The following MLLT3 variants were observed in gnomAD, a reference collection of about 807,000 sequenced individuals.
MLLT3 encodes protein AF-9.
In MLLT3, 4 loss-of-function variants were observed where a neutral mutation model predicts 53.2. The observed-to-expected ratio is 0.08, with a 90% CI of 0.04 to 0.17. The LOEUF is 0.17. MLLT3 is among the 10% of genes least tolerant of loss of function. The probability of loss-of-function intolerance (pLI) is 1.00; values close to 1 mark genes in which losing one functional copy is unlikely to be tolerated. For missense variants in MLLT3, 569 were observed against 684.0 expected (o/e 0.83, Z 1.87); for synonymous variants, 283 against 230.6 (o/e 1.23, Z -2.06).
At position 20,350,590 on chromosome 9, in the gene MLLT3, G is replaced by A. The variant is rs918226491; in HGVS notation, c.1575+2935C>T. ...AGCCTGGGCGACAGAGCGAGACTCC[G>A]TCTCAAAAAAAGAAAGAAAGAAAAA... On this transcript the variant is annotated intron_variant, in intron 10 of 10. Coordinates refer to ENST00000380338, the MANE Select transcript of MLLT3 (RefSeq NM_004529.4). 1.5e-4 allele frequency among the ~76,000 whole-genome samples: 10 copies of A among 68,636 alleles called. 1 individual carries two copies. The East Asian group carries it at 5.5e-3, about 38-fold the overall frequency. 45.0% of individuals were successfully genotyped at this position (68,636 alleles called of 152,430 possible). A position where few individuals can be genotyped will look rare whatever the true frequency, so the allele number is the denominator to read the frequency against.
In MLLT3 at chr9:20,501,757, C is replaced by CAAAAA. The variant is rs936828819; in HGVS notation, c.194-44976_194-44972dup. On this transcript the variant is annotated intron_variant, in intron 2 of 10. Transcript: ENST00000380338. ...TGGGCGACAGAGCGAGACTCCGTCT[C>CAAAAA]AAAAAAAAAAAAAAAAAAAAAAAAA... 1.1e-3 allele frequency among the ~76,000 whole-genome samples: 20 copies of CAAAAA among 18,596 alleles called. 1 individual carries two copies. The highest frequency in any genetic ancestry group is 2.8e-3 in the African/African-American group (14 of 5,080). The allele number at this position is 18,596 out of a possible 152,430, so 12.2% of individuals were successfully genotyped here.
intron 9 of MLLT3, among the ~76,000 whole-genome samples, chr9:20,354,357 G>T (rs565122098): frequency 4.6e-5 from 7 of 152,328 alleles, no homozygotes; most frequent in Non-Finnish European, 7.3e-5. Flanking sequence ...ACAGAGGTCT[G>T]CCCTGGCCCT....
At chr9:20,550,383 T>C (rs1228671665) in intron 2 of MLLT3, among the ~76,000 whole-genome samples, 1 of 152,212 alleles carries the variant, frequency 6.6e-6, no homozygotes, top group African/African-American at 2.4e-5. Flanking sequence ...CCTCTTTTCT[T>C]GCACTTGGAT....
chr9:20,595,842 G>A (rs903420621), intron 2 of MLLT3, among the ~76,000 whole-genome samples: 1 of 152,168 alleles, frequency 6.6e-6, no homozygotes, highest in African/African-American at 2.4e-5. Context: ...GAATCCCACT[G>A]TAAAAAGAAG....
At chr9:20,525,126 T>TAAA (rs757232208) in intron 2 of MLLT3, among the ~76,000 whole-genome samples, 5 of 56,132 alleles carry the variant, frequency 8.9e-5, no homozygotes, top group Admixed American at 1.9e-4. Flanking sequence ...GAAGAAAGAC[T>TAAA]AAAAAAAAAA....
chr9:20,349,014 C>G (rs1345190058), intron 10 of MLLT3, among the ~76,000 whole-genome samples: 1 of 152,100 alleles, frequency 6.6e-6, no homozygotes, highest in African/African-American at 2.4e-5. Flanking sequence ...AGGATGGAAA[C>G]AAGTAGTCTC....
intron 2 of MLLT3, among the ~76,000 whole-genome samples, chr9:20,465,165 G>A (rs1824203898): frequency 6.6e-6 from 1 of 151,482 alleles, no homozygotes; most frequent in African/African-American, 2.4e-5. Context: ...GATAACAGGT[G>A]AAAAGCTATC....
Position 20,451,110 on chromosome 9 carries a change from C to T in MLLT3, c.277-2844G>A, listed in dbSNP as rs552350578. 4.6e-5 allele frequency among the ~76,000 whole-genome samples: 7 copies of T among 152,234 alleles called. No homozygotes were observed. In the South Asian group the frequency reaches 1.0e-3, roughly 23 times the overall value. On this transcript the variant is annotated intron_variant, in intron 3 of 10. Coordinates refer to ENST00000380338, the MANE Select transcript of MLLT3 (RefSeq NM_004529.4). ...AACACCATTCAGGTGTTTAAAAATA[C>T]TGACTTTGAAAGGCATATTGCTAAC...
At chr9:20,519,735 A>C (rs1182563734) in intron 2 of MLLT3, among the ~76,000 whole-genome samples, 2 of 152,336 alleles carry the variant, frequency 1.3e-5, no homozygotes, top group East Asian at 3.9e-4. Flanking sequence ...TGAAATGCTT[A>C]TACACTGTTG....
At chr9:20,408,390 G>GA (rs56868013) in intron 5 of MLLT3, among the ~76,000 whole-genome samples, 2,503 of 145,858 alleles carry the variant, frequency 0.017, 27 homozygotes, top group Middle Eastern at 0.025. Context: ...ACCCAACACA[G>GA]AAAAAAAAAA....
intron 5 of MLLT3, among the ~76,000 whole-genome samples, chr9:20,371,923 T>C (rs548715806): frequency 6.6e-6 from 1 of 152,298 alleles, no homozygotes; most frequent in East Asian, 1.9e-4. Context: ...ATTATGAACA[T>C]TCATGATTCA....
chr9:20,556,398 G>A (rs1020324943), intron 2 of MLLT3, among the ~76,000 whole-genome samples: 1 of 152,088 alleles, frequency 6.6e-6, no homozygotes, highest in Admixed American at 6.6e-5. Flanking sequence ...AAAAGTGGGG[G>A]AGAAGGCCAG....
Position 20,620,901 on chromosome 9 carries a change from C to G in MLLT3, c.13-67G>C. 1 of 1,550,954 alleles carries G rather than the reference C, an allele frequency of 6.4e-7. No homozygotes were observed. Among genetic ancestry groups the G allele is most frequent in the Non-Finnish European group, 8.9e-7 (1 of 1,127,426 alleles). ...GGCGAGGTTTCGGCAGTGAACGTTG[C>G]GCCTGACATTTTTTTCCTCCTTCTT... On this transcript the variant is annotated intron_variant, in intron 1 of 10. Coordinates refer to ENST00000380338, the MANE Select transcript of MLLT3 (RefSeq NM_004529.4). This position sits in a 1 kb window ranked among gnomAD's most constrained non-coding sequence, Gnocchi z 6.1.
At chr9:20,417,187 A>ATATATAT (rs977649380) in intron 4 of MLLT3, among the ~76,000 whole-genome samples, 5 of 139,798 alleles carry the variant, frequency 3.6e-5, no homozygotes, top group Admixed American at 7.6e-5. Flanking sequence ...ATATTTATAT[A>ATATATAT]TATATATTAT....
rs538096573 is a variant in MLLT3, at chr9:20,370,728, C to G, written c.1126-4984G>C. Among the ~76,000 whole-genome samples the G allele has an allele frequency of 1.6e-4, 24 of 152,236 alleles. No individual in the cohort carries two copies. In the South Asian group the frequency reaches 4.8e-3, roughly 30 times the overall value. ...GTTTCGCCATGTTAGCCAGGCTGATCTCGAACTCTTGACCTCAGGTGATCC... is the reference window on the plus strand; with the variant it reads ...GTTTCGCCATGTTAGCCAGGCTGATGTCGAACTCTTGACCTCAGGTGATCC... On this transcript the variant is annotated intron_variant, in intron 5 of 10. Transcript: ENST00000380338.
intron 2 of MLLT3, among the ~76,000 whole-genome samples, chr9:20,525,628 T>C (rs998260057): frequency 3.3e-5 from 5 of 152,242 alleles, no homozygotes; most frequent in African/African-American, 1.2e-4. Context: ...TCTTATTTCA[T>C]TCATCTGTAA....
chr9:20,533,736 C>G (rs1818403719), intron 2 of MLLT3, among the ~76,000 whole-genome samples: 1 of 152,316 alleles, frequency 6.6e-6, no homozygotes, highest in South Asian at 2.1e-4. Flanking sequence ...GAAGGACATC[C>G]TGCCATTTGT....
At chr9:20,527,638 G>T (rs919208290) in intron 2 of MLLT3, among the ~76,000 whole-genome samples, 1 of 152,160 alleles carries the variant, frequency 6.6e-6, no homozygotes, top group African/African-American at 2.4e-5. Flanking sequence ...CAAAATTAAA[G>T]TTCCCACTAT....
chr9:20,474,353 A>C (rs1364846661), intron 2 of MLLT3, among the ~76,000 whole-genome samples: 1 of 152,038 alleles, frequency 6.6e-6, no homozygotes, highest in Non-Finnish European at 1.5e-5. Flanking sequence ...TGTAGATATT[A>C]ATGTTCAAAT....
Sources: allele counts gnomAD v4.1 joint callset (sites outside exome capture counted in the v4.1 genomes callset), GRCh38; gene constraint gnomAD v4.1.1; non-coding constraint Gnocchi (gnomAD v3.1); transcripts MANE v1.5; gene names NCBI Gene and HGNC (gene_info 2026-07-23, HGNC 2026-07-21).